NOBOX: variants seen among roughly 807,000 people sequenced by gnomAD.
NOBOX encodes homeobox protein NOBOX.
A neutral mutation model predicts 60.2 loss-of-function variants in NOBOX; 46 were observed. That is an observed-to-expected ratio of 0.76 (90% CI 0.60 to 0.98). The LOEUF (loss-of-function observed/expected upper bound fraction) is 0.98, where lower values mean the gene tolerates loss of function less well. NOBOX is among the 50% of genes least tolerant of loss of function. The probability of loss-of-function intolerance (pLI) is 0.00; values close to 1 mark genes in which losing one functional copy is unlikely to be tolerated. For missense variants in NOBOX, 880 were observed against 865.5 expected (o/e 1.02, Z -0.21); for synonymous variants, 360 against 346.3 (o/e 1.04, Z -0.44).
chr7:144,410,169 T>G lies in NOBOX; in HGVS notation c.59A>C (p.Asp20Ala), dbSNP rs543287131. ...CTCCTGGGCTTTGAAGCCATCCTTG[T>G]CTCTGGTGTCCCAGGTACCCTCCAG... The change falls in exon 1 of 10, where the codon GAC becomes GCC. Residue 20 changes from aspartate (D) to alanine (A), a missense_variant. Transcript: ENST00000467773. 8 of 1,570,110 alleles carry G rather than the reference T, an allele frequency of 5.1e-6. No individual in the cohort carries two copies. The Admixed American group carries it at 1.5e-4, about 29-fold the overall frequency.
chr7:144,399,251 G>A, intron 7 of NOBOX, 73 bp from the exon 6 acceptor site: 1 of 947,264 alleles, frequency 1.1e-6, no homozygotes, highest in Non-Finnish European at 1.6e-6. Flanking sequence ...CTGAATGGTA[G>A]ACACAAGCCA....
chr7:144,405,626 A>G (rs1226480718), intron 1 of NOBOX, among the ~76,000 whole-genome samples: 1 of 152,156 alleles, frequency 6.6e-6, no homozygotes, highest in African/African-American at 2.4e-5. Flanking sequence ...GCAAGCTCTG[A>G]CATCTGGGTC....
chr7:144,398,920 T>C, intron 8 of NOBOX, 30 bp downstream of exon 6: 1 of 1,277,758 alleles, frequency 7.8e-7, no homozygotes, highest in Non-Finnish European at 1.1e-6. Flanking sequence ...CCCAGATAAC[T>C]AGAGTGACCT....
At chr7:144,397,139 TAC>T (rs2053898147), downstream of NOBOX, 2 of 1,015,410 alleles carry the variant, frequency 2.0e-6, no homozygotes, top group East Asian at 5.3e-5. Flanking sequence ...CCCCTCAGTC[TAC>T]AGAGTCCACA....
At chr7:144,402,065 A>G (rs925152679) in intron 2 of NOBOX, 8 of 747,990 alleles carry the variant, frequency 1.1e-5, no homozygotes, top group Non-Finnish European at 1.6e-5. Flanking sequence ...AAGGGACAAG[A>G]AAGGATTCGA....
At chr7:144,408,903 T>G (rs1240378857) in intron 1 of NOBOX, among the ~76,000 whole-genome samples, 1 of 152,192 alleles carries the variant, frequency 6.6e-6, no homozygotes, top group Non-Finnish European at 1.5e-5. Context: ...TGCACAGAAC[T>G]AAATACACAC....
At chr7:144,403,404 G>A (rs1398789789) in intron 2 of NOBOX, among the ~76,000 whole-genome samples, 1 of 152,088 alleles carries the variant, frequency 6.6e-6, no homozygotes, top group Non-Finnish European at 1.5e-5. Flanking sequence ...GGGCTCCCAG[G>A]GTTCTCTCCC....
chr7:144,404,714 C>A, intron 1 of NOBOX: 1 of 1,606,422 alleles, frequency 6.2e-7, no homozygotes, highest in Non-Finnish European at 8.5e-7. Flanking sequence ...GTGTTTCCAT[C>A]CATTTGGTGT....
intron 1 of NOBOX, among the ~76,000 whole-genome samples, chr7:144,405,487 C>G (rs962839814): frequency 1.3e-5 from 2 of 152,112 alleles, no homozygotes; most frequent in Non-Finnish European, 1.5e-5. Context: ...TACGGAGGAG[C>G]AGGAACCCCT....
At chr7:144,400,922 G>A (rs916890205) in intron 4 of NOBOX, 124 bp downstream of exon 2, 10 of 739,308 alleles carry the variant, frequency 1.4e-5, no homozygotes, top group African/African-American at 1.8e-5. Context: ...GAGAGAATCC[G>A]GGACGAAGTG....
chr7:144,401,836 G>C lies in NOBOX; in HGVS notation c.292+33C>G, dbSNP rs1314197382. On this transcript the variant is annotated intron_variant, in intron 3 of 9. Coordinates refer to ENST00000467773, the MANE Select transcript of NOBOX (RefSeq NM_001080413.3). This position sits in a 1 kb window ranked among gnomAD's most constrained non-coding sequence, Gnocchi z 4.2. ...TTTATGCAATTCTGAGACGGCGTTA[G>C]CTCATGGTATCTCCTAATTTGGGGG... The C allele has an allele frequency of 6.3e-6, 9 of 1,421,932 alleles. No homozygotes were observed. The highest frequency in any genetic ancestry group is 7.9e-6 in the Non-Finnish European group (8 of 1,011,262). The allele number at this position is 1,421,932 out of a possible 1,614,324, so 88.1% of individuals were successfully genotyped here.
At chr7:144,397,179 C>G, downstream of NOBOX, 1 of 1,416,618 alleles carries the variant, frequency 7.1e-7, no homozygotes, top group Non-Finnish European at 9.4e-7. Context: ...AACCCCTGTC[C>G]TCTCAGCGAG....
At position 144,400,992 on chromosome 7, in the gene NOBOX, C is replaced by A; in HGVS notation, c.844+54G>T. 6 of 1,415,070 alleles carry A rather than the reference C, an allele frequency of 4.2e-6. No individual in the cohort carries two copies. In the African/African-American group the frequency reaches 4.3e-5, roughly 10 times the overall value. 87.7% of individuals were successfully genotyped at this position (1,415,070 alleles called of 1,614,324 possible). A position where few individuals can be genotyped will look rare whatever the true frequency, so the allele number is the denominator to read the frequency against. On this transcript the variant is annotated intron_variant, in intron 4 of 9. Transcript: ENST00000467773. ...GGGGTAGATTCTTCACACAGCCCCA[C>A]CTTTCCCCAGGATGACCCCAGATCT...
In NOBOX at chr7:144,399,117, A is replaced by G; in HGVS notation, c.1302T>C (p.Ala434=). 1 of 1,553,270 alleles carries G rather than the reference A, an allele frequency of 6.4e-7. No homozygotes were observed. The highest frequency in any genetic ancestry group is 8.9e-7 in the Non-Finnish European group (1 of 1,128,028). ...AGAGTGGGGGGGTCACCACCCTCTG[A>G]GCACCCTCACTGGGTTGGGTGGGGG... The change falls in exon 8 of 10, where the codon GCT becomes GCC. Residue 434 remains alanine, a synonymous_variant. Transcript: ENST00000467773.
chr7:144,403,693 T>TGG, intron 2 of NOBOX: 1 of 689,904 alleles, frequency 1.4e-6, no homozygotes, highest in Non-Finnish European at 2.6e-6. Context: ...GTGGGTTCCA[T>TGG]GGCCTGGACT....
At chr7:144,397,200 T>C (rs141612289), downstream of NOBOX, 988 of 1,490,792 alleles carry the variant, frequency 6.6e-4, 6 homozygotes, top group African/African-American at 0.012. Flanking sequence ...CCCAATCCTA[T>C]CCCACCCAAG....
rs1348861151 is a variant in NOBOX at position 144,399,170 on chromosome 7, T to C, written c.1249A>G (p.Met417Val). 3 of 1,530,906 alleles carry C rather than the reference T, an allele frequency of 2.0e-6. No homozygotes were observed. The highest frequency in any genetic ancestry group is 1.8e-6 in the Non-Finnish European group (2 of 1,121,810). The allele number at this position is 1,530,906 out of a possible 1,614,324, so 94.8% of individuals were successfully genotyped here. A position where few individuals can be genotyped will look rare whatever the true frequency, so the allele number is the denominator to read the frequency against. The change falls in exon 8 of 10, where the codon ATG becomes GTG. Residue 417 changes from methionine to valine, a missense_variant. Coordinates refer to ENST00000467773, the MANE Select transcript of NOBOX (RefSeq NM_001080413.3). ...AAAGTCTGGTCAGAAGTCAGCAGCA[T>C]GGGGGGCTCTAGGAACAGAAGGCAA... is the stretch of plus-strand genomic sequence containing the variant.
chr7:144,399,306 G>T, intron 7 of NOBOX, 91 bp downstream of exon 5: 1 of 1,052,530 alleles, frequency 9.5e-7, no homozygotes, highest in Non-Finnish European at 1.4e-6. Flanking sequence ...AAACACTGGA[G>T]GACTCCAGTC....
rs1388780840 is a variant in NOBOX, at chr7:144,400,275, G to A, written c.882C>T (p.Asp294=). 3.7e-6 allele frequency: 6 copies of A among 1,614,060 alleles called. No homozygotes were observed. The highest frequency in any genetic ancestry group is 2.2e-5 in the East Asian group (1 of 44,884). Residue 294 remains aspartate (D), a synonymous_variant, in exon 5 of 10, where the codon GAC becomes GAT. Coordinates refer to ENST00000467773, the MANE Select transcript of NOBOX (RefSeq NM_001080413.3). ...GGCGTTTATCACTGTCAGGATAGTG[G>A]TCTTCTTGGAATATCTTCTCTAGCT...
Sources: allele counts gnomAD v4.1 joint callset (sites outside exome capture counted in the v4.1 genomes callset), GRCh38; gene constraint gnomAD v4.1.1; non-coding constraint Gnocchi (gnomAD v3.1); transcripts MANE v1.5; gene names NCBI Gene and HGNC (gene_info 2026-07-23, HGNC 2026-07-21).